SNX13: variants seen among roughly 807,000 people sequenced by gnomAD.
SNX13 encodes the protein sorting nexin 13, also known as sorting nexin-13.
In SNX13, 45 loss-of-function variants were observed where a neutral mutation model predicts 133.6. The observed-to-expected ratio is 0.34, with a 90% CI of 0.27 to 0.43. SNX13 has a LOEUF of 0.43. SNX13 is among the 20% of genes least tolerant of loss of function. The pLI, the probability that SNX13 is intolerant of heterozygous loss-of-function variation, is 1.00. For synonymous variants in SNX13, 414 were observed against 373.9 expected, an observed-to-expected ratio of 1.11 and a Z score of -1.24; for missense variants, 1,032 against 1,145.1, an observed-to-expected ratio of 0.90 and a Z score of 1.43.
intron 9 of SNX13, among the ~76,000 whole-genome samples, chr7:17,857,768 A>G (rs943739864): frequency 6.6e-6 from 1 of 152,096 alleles, no homozygotes; most frequent in Non-Finnish European, 1.5e-5. Context: ...GCAAGACTCC[A>G]TCTCAAAAAA....
rs141375546 is a variant in SNX13, at chr7:17,896,145, T to C, written c.125+1189A>G. On this transcript the variant is annotated intron_variant, in intron 2 of 25. Transcript: ENST00000428135. ...GGAAACCCATTTGGCTGCAGATCTG[T>C]AGTATCTTCAATCATCTTTATCATC... Among the ~76,000 whole-genome samples, 48 of 152,334 alleles carry C rather than the reference T, an allele frequency of 3.2e-4. No individual in the cohort carries two copies. The East Asian group carries it at 8.3e-3, about 26-fold the overall frequency.
chr7:17,887,588 C>G (rs1414355660), intron 5 of SNX13, among the ~76,000 whole-genome samples: 1 of 152,178 alleles, frequency 6.6e-6, no homozygotes, highest in Non-Finnish European at 1.5e-5. Flanking sequence ...GTTATCATCT[C>G]CAGACAAAAA....
chr7:17,937,929 AAGAC>A (rs1364102533), intron 1 of SNX13, among the ~76,000 whole-genome samples: 6 of 152,184 alleles, frequency 3.9e-5, no homozygotes, highest in Admixed American at 2.6e-4. Flanking sequence ...GACTAATATA[AAGAC>A]AGGAGAATCT....
intron 18 of SNX13, 108 bp from the exon 19 acceptor site, chr7:17,816,397 C>A: frequency 1.5e-6 from 2 of 1,327,146 alleles, no homozygotes; most frequent in Non-Finnish European, 2.0e-6. Context: ...TGCGGTGGCT[C>A]ACGCCTGTAA....
chr7:17,819,208 A>G (rs957044953), intron 18 of SNX13, among the ~76,000 whole-genome samples: 1 of 152,210 alleles, frequency 6.6e-6, no homozygotes, highest in African/African-American at 2.4e-5. Flanking sequence ...AGGAAAATAA[A>G]TGATAGCTCA....
chr7:17,925,047 A>G (rs1453704256), intron 1 of SNX13, among the ~76,000 whole-genome samples: 1 of 152,172 alleles, frequency 6.6e-6, no homozygotes, highest in Non-Finnish European at 1.5e-5. Flanking sequence ...CATTTCTACT[A>G]AAAATACAAA....
chr7:17,862,687 T>G (rs1792863809), intron 9 of SNX13, among the ~76,000 whole-genome samples: 1 of 152,234 alleles, frequency 6.6e-6, no homozygotes, highest in African/African-American at 2.4e-5. Context: ...ATATATTAAC[T>G]AATCCCCTAT....
At chr7:17,931,524 A>C (rs749357213) in intron 1 of SNX13, among the ~76,000 whole-genome samples, 6 of 152,170 alleles carry the variant, frequency 3.9e-5, no homozygotes, top group Non-Finnish European at 7.4e-5. Context: ...CAAAACAAAG[A>C]ATCACAACTC....
chr7:17,923,004 AAAT>A (rs1249433037), intron 1 of SNX13, among the ~76,000 whole-genome samples: 2 of 152,254 alleles, frequency 1.3e-5, no homozygotes, highest in African/African-American at 2.4e-5. Context: ...AATGCATTGC[AAAT>A]AATATTTTAT....
chr7:17,840,015 T>C lies in SNX13; in HGVS notation c.1166-15A>G, dbSNP rs1789687073. On this transcript the variant is annotated splice_polypyrimidine_tract_variant and intron_variant, in intron 12 of 25. Coordinates refer to ENST00000428135, the MANE Select transcript of SNX13 (RefSeq NM_015132.5). ...CTGCATGTAATCTAGCAATCAAAAA[T>C]CCATAATAACATAAATATTAGTGTC... The C allele has an allele frequency of 6.2e-7, 1 of 1,600,536 alleles. No individual in the cohort carries two copies. Among genetic ancestry groups the C allele is most frequent in the Admixed American group, 1.7e-5 (1 of 58,034 alleles).
chr7:17,921,134 A>C (rs887023648), intron 1 of SNX13, among the ~76,000 whole-genome samples: 1 of 152,118 alleles, frequency 6.6e-6, no homozygotes, highest in Non-Finnish European at 1.5e-5. Context: ...ACCCCTTACC[A>C]GAGGATACAA....
intron 18 of SNX13, among the ~76,000 whole-genome samples, chr7:17,820,640 C>T (rs1394087334): frequency 1.3e-5 from 2 of 152,074 alleles, no homozygotes; most frequent in Non-Finnish European, 2.9e-5. Flanking sequence ...ATAAGATTAT[C>T]ATGGTGCCAA....
intron 4 of SNX13, among the ~76,000 whole-genome samples, chr7:17,891,262 A>G (rs574077221): frequency 2.0e-5 from 3 of 152,190 alleles, no homozygotes; most frequent in East Asian, 1.9e-4. Context: ...TTCATCAACG[A>G]AAGAGTAACA....
At chr7:17,831,829 AAAG>A in intron 15 of SNX13, 10 of 983,066 alleles carry the variant, frequency 1.0e-5, no homozygotes, top group Non-Finnish European at 1.2e-5. Flanking sequence ...AATCATATAA[AAAG>A]AAGTATATCA....
chr7:17,796,569 T>C (rs1367827386), intron 25 of SNX13: 4 of 360,328 alleles, frequency 1.1e-5, no homozygotes, highest in East Asian at 4.3e-5. Flanking sequence ...GCTATAAACC[T>C]TGGATAGGTT....
intron 5 of SNX13, chr7:17,890,142 G>C (rs1053977726): frequency 1.4e-5 from 5 of 367,158 alleles, no homozygotes; most frequent in African/African-American, 1.0e-4. Flanking sequence ...GACTTAGAAA[G>C]CAGGGCTTAA....
intron 20 of SNX13, among the ~76,000 whole-genome samples, chr7:17,810,234 AAAG>A (rs1785849333): frequency 6.6e-6 from 1 of 152,226 alleles, no homozygotes; most frequent in Non-Finnish European, 1.5e-5. Flanking sequence ...CCAGACTAAT[AAAG>A]AAGAAAAGAG....
At chr7:17,929,699 GTAC>G (rs1283228848) in intron 1 of SNX13, among the ~76,000 whole-genome samples, 18 of 152,248 alleles carry the variant, frequency 1.2e-4, no homozygotes, top group African/African-American at 4.3e-4. Flanking sequence ...ATATGCAAGT[GTAC>G]TACAATCTTT....
At chr7:17,938,954 T>A (rs984830175) in intron 1 of SNX13, among the ~76,000 whole-genome samples, 1 of 152,200 alleles carries the variant, frequency 6.6e-6, no homozygotes, top group Non-Finnish European at 1.5e-5. Flanking sequence ...ATAACCATAA[T>A]CTCAATTAAC....
Sources: allele counts gnomAD v4.1 joint callset (sites outside exome capture counted in the v4.1 genomes callset), GRCh38; gene constraint gnomAD v4.1.1; transcripts MANE v1.5; gene names NCBI Gene and HGNC (gene_info 2026-07-23, HGNC 2026-07-21).